The following AP1G1 variants were observed in gnomAD, a reference collection of about 807,000 sequenced individuals.
AP1G1 encodes the protein AP-1 complex subunit gamma-1.
AP1G1 carries 7 observed loss-of-function variants against 108.3 expected under a neutral mutation model. The observed-to-expected ratio is 0.06, with a 90% CI of 0.04 to 0.12. AP1G1 has a LOEUF of 0.12. AP1G1 is among the 10% of genes least tolerant of loss of function. AP1G1 has a pLI of 1.00. For synonymous variants in AP1G1, 379 were observed against 353.5 expected (o/e 1.07, Z -0.81); for missense variants, 756 against 1,010.7 (o/e 0.75, Z 3.42).
chr16:71,806,862 TC>T, intron 1 of AP1G1: 1 of 384,352 alleles, frequency 2.6e-6, no homozygotes, highest in South Asian at 2.3e-5. Context: ...AATATTGTTT[TC>T]TTCTGAGACA....
chr16:71,767,808 G>A, intron 6 of AP1G1: 1 of 1,446,252 alleles, frequency 6.9e-7, no homozygotes, highest in East Asian at 2.3e-5. Context: ...CACATTTGTG[G>A]ATCGATACAC....
intron 2 of AP1G1, among the ~76,000 whole-genome samples, chr16:71,785,783 G>A (rs553356014): frequency 1.3e-5 from 2 of 152,016 alleles, no homozygotes; most frequent in Non-Finnish European, 2.9e-5. Flanking sequence ...TAGGGAGGCT[G>A]AGGAAGGAGA....
intron 1 of AP1G1, among the ~76,000 whole-genome samples, chr16:71,799,876 G>A (rs1050122120): frequency 3.3e-5 from 5 of 149,922 alleles, no homozygotes; most frequent in Admixed American, 6.7e-5. Flanking sequence ...TCCAGCCTTC[G>A]TGACAGAGCG....
Position 71,745,207 on chromosome 16 carries a change from T to A in AP1G1, c.1936A>T (p.Thr646Ser), listed in dbSNP as rs1221657044. Residue 646 changes from threonine (T) to serine (S), a missense_variant, in exon 19 of 23, where the codon ACA becomes TCA. By Grantham distance (58) the Thr-to-Ser change is moderately conservative. Coordinates refer to ENST00000299980, the MANE Select transcript of AP1G1 (RefSeq NM_001128.6). Reference sequence around the variant, plus strand: ...CCACCAGCAGAAGATGGTTTGCTTGTAGGCGCAGTTGGAATAACAGGTGTT... The same window carrying A: ...CCACCAGCAGAAGATGGTTTGCTTGAAGGCGCAGTTGGAATAACAGGTGTT... ...DITPVIPTAP[T>S]SKPSSAGGEL... The A allele has an allele frequency of 6.2e-7, 1 of 1,614,228 alleles. No homozygotes were observed. Among genetic ancestry groups the A allele is most frequent in the Admixed American group, 1.7e-5 (1 of 60,022 alleles).
intron 21 of AP1G1, among the ~76,000 whole-genome samples, chr16:71,736,654 C>T (rs1428102320): frequency 6.6e-6 from 1 of 150,560 alleles, no homozygotes; most frequent in Non-Finnish European, 1.5e-5. Context: ...GGGGTGATCT[C>T]GGCTCACTGC....
At chr16:71,753,585 C>A in intron 13 of AP1G1, 1 of 480,004 alleles carries the variant, frequency 2.1e-6, no homozygotes, top group Non-Finnish European at 3.8e-6. Flanking sequence ...GTTATCTCCT[C>A]TGAGAGACCT....
In AP1G1 at chr16:71,808,633, G is replaced by A. The variant is rs943364499; in HGVS notation, c.-4+130C>T. 3.9e-6 allele frequency: 5 copies of A among 1,289,632 alleles called. No homozygotes were observed. The African/African-American group carries it at 6.1e-5, about 16-fold the overall frequency. The allele number at this position is 1,289,632 out of a possible 1,614,324, so 79.9% of individuals were successfully genotyped here. On this transcript the variant is annotated intron_variant, in intron 1 of 22. Transcript: ENST00000299980. ...CGGCCTCTCCTGGCCCAGCTTCTCT[G>A]TCTTCTCTTCTCAACACCCACAGCC...
At chr16:71,764,134 G>A (rs2031218785) in intron 9 of AP1G1, among the ~76,000 whole-genome samples, 1 of 152,148 alleles carries the variant, frequency 6.6e-6, no homozygotes, top group African/African-American at 2.4e-5. Context: ...CTACTATATT[G>A]CTACACCTGA....
At chr16:71,765,679 C>T (rs1331930130) in intron 6 of AP1G1, 95 bp from the exon 7 acceptor site, 3 of 933,036 alleles carry the variant, frequency 3.2e-6, no homozygotes, top group African/African-American at 3.3e-5. Context: ...GTGTAAGGGT[C>T]CCAGTCCAAG....
At position 71,771,241 on chromosome 16, in the gene AP1G1, A is replaced by G; in HGVS notation, c.480T>C (p.Cys160=). The change falls in exon 5 of 23, where the codon TGT becomes TGC. Residue 160 remains cysteine (C), a synonymous_variant. Transcript: ENST00000299980. ...GAACTTTCCTGATGACATGAACAGC[A>G]CACAGTGCTGCCTATGAAAAAAAAA... ...NSYLRKKAAL[C]AVHVIRKVPE... 2 of 1,596,744 alleles carry G rather than the reference A, an allele frequency of 1.3e-6. No individual in the cohort carries two copies. Among genetic ancestry groups the G allele is most frequent in the South Asian group, 2.2e-5 (2 of 89,548 alleles).
At chr16:71,767,060 T>C (rs1317579074) in intron 6 of AP1G1, among the ~76,000 whole-genome samples, 1 of 152,234 alleles carries the variant, frequency 6.6e-6, no homozygotes, top group Non-Finnish European at 1.5e-5. Flanking sequence ...AATGGTCTGT[T>C]TTTTTTGTAC....
chr16:71,750,053 G>T, intron 14 of AP1G1, 70 bp from the exon 15 acceptor site: 1 of 1,491,502 alleles, frequency 6.7e-7, no homozygotes. Context: ...CAAATCATAG[G>T]TCATCTCATA....
chr16:71,747,813 C>T (rs993106364), intron 16 of AP1G1, among the ~76,000 whole-genome samples: 2 of 152,012 alleles, frequency 1.3e-5, no homozygotes, highest in Admixed American at 6.6e-5. Context: ...GAAACACTTT[C>T]TCTACAAAAA....
At chr16:71,808,436 C>T (rs939812297) in intron 1 of AP1G1, 1 of 1,182,540 alleles carries the variant, frequency 8.5e-7, no homozygotes, top group Non-Finnish European at 1.1e-6. Flanking sequence ...CCCGCTAAAC[C>T]CCAGGCTCCC....
intron 2 of AP1G1, among the ~76,000 whole-genome samples, chr16:71,782,370 G>T (rs1307552770): frequency 2.0e-5 from 3 of 151,838 alleles, no homozygotes; most frequent in Non-Finnish European, 4.4e-5. Context: ...CACTATGTTT[G>T]TCAGGCTGGT....
rs776435404 is a variant in AP1G1, at chr16:71,739,354, T to G, written c.2000-13A>C. ...GCAGCTGGAGCACCTAAAGGAAATATTTTAATGGAAAGTTAACCTTAGGCA... is the reference window on the plus strand; with the variant it reads ...GCAGCTGGAGCACCTAAAGGAAATAGTTTAATGGAAAGTTAACCTTAGGCA... On this transcript the variant is annotated splice_polypyrimidine_tract_variant and intron_variant, in intron 19 of 22. Transcript: ENST00000299980. The G allele has an allele frequency of 4.5e-6, 7 of 1,569,366 alleles. No individual in the cohort carries two copies. Among genetic ancestry groups the G allele is most frequent in the Non-Finnish European group, 6.0e-6 (7 of 1,164,282 alleles).
chr16:71,806,674 G>A (rs1372114169), intron 1 of AP1G1: 1 of 1,282,650 alleles, frequency 7.8e-7, no homozygotes, highest in African/African-American at 1.5e-5. Context: ...GTAACTGCGA[G>A]GGCATACTTA....
At chr16:71,771,995 T>C (rs2031589077) in intron 4 of AP1G1, among the ~76,000 whole-genome samples, 1 of 152,202 alleles carries the variant, frequency 6.6e-6, no homozygotes, top group Admixed American at 6.5e-5. Context: ...ACACTGATTT[T>C]TGTATATCCC....
intron 6 of AP1G1, chr16:71,767,956 G>T: frequency 6.7e-7 from 1 of 1,499,856 alleles, no homozygotes; most frequent in Non-Finnish European, 9.2e-7. Context: ...GGACAGATAC[G>T]GGTCTCATAC....
Sources: gnomAD v4.1 joint callset for allele counts (sites outside exome capture counted in the v4.1 genomes callset) on GRCh38, gnomAD v4.1.1 for gene constraint, MANE v1.5 for transcripts, NCBI Gene and HGNC (gene_info 2026-07-23, HGNC 2026-07-21) for gene names.